The following DSCAM variants were observed in gnomAD, a reference collection of about 807,000 sequenced individuals.
DSCAM encodes the protein cell adhesion molecule DSCAM.
DSCAM carries 47 observed loss-of-function variants against 217.7 expected under a neutral mutation model. The observed-to-expected ratio is 0.22, with a 90% CI of 0.17 to 0.28. The LOEUF is 0.28. DSCAM is among the 10% of genes least tolerant of loss of function. The pLI is 1.00. For synonymous variants in DSCAM, 1,056 were observed against 1,015.3 expected (o/e 1.04, Z -0.76); for missense variants, 2,080 against 2,618.3 (o/e 0.79, Z 4.49).
At chr21:40,284,301 C>A (rs2123408925) in intron 10 of DSCAM, among the ~76,000 whole-genome samples, 1 of 152,326 alleles carries the variant, frequency 6.6e-6, no homozygotes, top group Admixed American at 6.5e-5. Flanking sequence ...TGGTTCCAGG[C>A]TGGAGAGCTA....
chr21:40,587,006 T>G (rs944418316), intron 3 of DSCAM, among the ~76,000 whole-genome samples: 8 of 151,880 alleles, frequency 5.3e-5, no homozygotes. Context: ...ATTCAAGGAG[T>G]ACATTAGAGG....
chr21:40,756,731 A>G (rs1003774457), intron 1 of DSCAM, among the ~76,000 whole-genome samples: 12 of 152,070 alleles, frequency 7.9e-5, no homozygotes, highest in Non-Finnish European at 5.9e-5. Flanking sequence ...AGACAAATAC[A>G]CTGTACTAAA....
chr21:40,832,200 C>A (rs752958108), intron 1 of DSCAM, among the ~76,000 whole-genome samples: 1 of 152,152 alleles, frequency 6.6e-6, no homozygotes, highest in African/African-American at 2.4e-5. Context: ...CTAACCATGC[C>A]TTCTTTACGA....
At chr21:40,033,601 G>A (rs1408256105) in intron 32 of DSCAM, among the ~76,000 whole-genome samples, 3 of 151,694 alleles carry the variant, frequency 2.0e-5, no homozygotes, top group African/African-American at 7.3e-5. Context: ...CTGGGGGAGG[G>A]GGGCCCCCCA....
intron 3 of DSCAM, among the ~76,000 whole-genome samples, chr21:40,490,902 G>T (rs2146011353): frequency 6.6e-6 from 1 of 152,198 alleles, no homozygotes; most frequent in South Asian, 2.1e-4. Context: ...GCCAAACTTT[G>T]GCAAAATAAT....
intron 8 of DSCAM, among the ~76,000 whole-genome samples, chr21:40,315,887 CA>C (rs1456270926): frequency 6.6e-6 from 1 of 151,866 alleles, no homozygotes; most frequent in Non-Finnish European, 1.5e-5. Flanking sequence ...TAAGAAGCCA[CA>C]ATTGGCAAGC....
intron 4 of DSCAM, among the ~76,000 whole-genome samples, chr21:40,360,905 T>C (rs1390677297): frequency 6.6e-6 from 1 of 152,206 alleles, no homozygotes; most frequent in Non-Finnish European, 1.5e-5. Context: ...CTTTCCACAA[T>C]GGCAGGACTA....
chr21:40,708,051 C>A lies in DSCAM; in HGVS notation c.361+403G>T, dbSNP rs1036706431. Among the ~76,000 whole-genome samples the A allele has an allele frequency of 1.3e-5, 2 of 152,068 alleles. 1 individual carries two copies. The highest frequency in any genetic ancestry group is 4.1e-4 in the South Asian group (2 of 4,828). On this transcript the variant is annotated intron_variant, in intron 2 of 32. Transcript: ENST00000400454. ...ACATCTTGATGCTATGGTTTTATTCCAGCTCAACCATTTGTCATTTTTTTC... is the reference window on the plus strand; with the variant it reads ...ACATCTTGATGCTATGGTTTTATTCAAGCTCAACCATTTGTCATTTTTTTC...
At chr21:40,754,929 T>C (rs2091261322) in intron 1 of DSCAM, among the ~76,000 whole-genome samples, 1 of 152,202 alleles carries the variant, frequency 6.6e-6, no homozygotes, top group Non-Finnish European at 1.5e-5. Context: ...AAAGTCTGGA[T>C]TTATAGGACA....
At chr21:40,677,809 G>T (rs1046782176) in intron 3 of DSCAM, among the ~76,000 whole-genome samples, 1 of 151,928 alleles carries the variant, frequency 6.6e-6, no homozygotes, top group Non-Finnish European at 1.5e-5. Flanking sequence ...TGAGAAGACA[G>T]CTGTCTATGA....
intron 1 of DSCAM, among the ~76,000 whole-genome samples, chr21:40,803,073 T>C (rs1048453534): frequency 6.6e-5 from 10 of 152,204 alleles, no homozygotes; most frequent in African/African-American, 2.4e-4. Flanking sequence ...GTACTAAATT[T>C]AGGGTAAGTC....
At chr21:40,680,194 C>T (rs1184228631) in intron 3 of DSCAM, among the ~76,000 whole-genome samples, 4 of 152,128 alleles carry the variant, frequency 2.6e-5, no homozygotes, top group South Asian at 2.1e-4. Flanking sequence ...CTCAAGGTTA[C>T]GTAACTTGGT....
rs1026317367 is a variant in DSCAM, at chr21:40,678,783, T to A, written c.508+14027A>T. Reference sequence around the variant, plus strand: ...TGCTCACCAAATGTGTATAACCCTTTAGATAAAAAACTGAAAGTAAAGTCT... The same window carrying A: ...TGCTCACCAAATGTGTATAACCCTTAAGATAAAAAACTGAAAGTAAAGTCT... On this transcript the variant is annotated intron_variant, in intron 3 of 32. Coordinates refer to ENST00000400454, the MANE Select transcript of DSCAM (RefSeq NM_001389.5). Among the ~76,000 whole-genome samples, 44 of 152,186 alleles carry A rather than the reference T, an allele frequency of 2.9e-4. 1 individual carries two copies. Among genetic ancestry groups the A allele is most frequent in the African/African-American group, 9.7e-4 (40 of 41,428 alleles).
intron 3 of DSCAM, among the ~76,000 whole-genome samples, chr21:40,402,422 C>T (rs1447913264): frequency 6.6e-6 from 1 of 151,990 alleles, no homozygotes; most frequent in Non-Finnish European, 1.5e-5. Flanking sequence ...AGAAGCTAAG[C>T]TAAGAGTTTT....
At chr21:40,570,907 T>C (rs1434848448) in intron 3 of DSCAM, among the ~76,000 whole-genome samples, 2 of 151,864 alleles carry the variant, frequency 1.3e-5, no homozygotes, top group South Asian at 2.1e-4. Flanking sequence ...ATATAAACAA[T>C]TGGAATCCCA....
intron 3 of DSCAM, among the ~76,000 whole-genome samples, chr21:40,659,744 C>T (rs1262310918): frequency 6.6e-6 from 1 of 152,138 alleles, no homozygotes; most frequent in Non-Finnish European, 1.5e-5. Flanking sequence ...TTAGGCTGTA[C>T]CTGATGGGGG....
intron 32 of DSCAM, among the ~76,000 whole-genome samples, chr21:40,017,218 C>T (rs577659831): frequency 2.0e-4 from 30 of 152,130 alleles, no homozygotes; most frequent in East Asian, 3.9e-4. Context: ...TGTTATTACC[C>T]GTCTTGAAAA....
intron 14 of DSCAM, among the ~76,000 whole-genome samples, chr21:40,183,545 A>AAACC (rs1225642030): frequency 2.0e-5 from 3 of 152,204 alleles, no homozygotes; most frequent in Admixed American, 6.5e-5. Context: ...GGAAAAGAGT[A>AAACC]AACCAAGGAA....
At chr21:40,734,635 T>C (rs1296328659) in intron 1 of DSCAM, among the ~76,000 whole-genome samples, 1 of 152,224 alleles carries the variant, frequency 6.6e-6, no homozygotes, top group Non-Finnish European at 1.5e-5. Flanking sequence ...CTACAGATAA[T>C]GTTTACCAAG....
Sources: gnomAD v4.1 joint callset for allele counts (sites outside exome capture counted in the v4.1 genomes callset) on GRCh38, gnomAD v4.1.1 for gene constraint, MANE v1.5 for transcripts, NCBI Gene and HGNC (gene_info 2026-07-23, HGNC 2026-07-21) for gene names.